The following WRN variants were observed in gnomAD, a reference collection of about 807,000 sequenced individuals.
The protein encoded by WRN is bifunctional 3'-5' exonuclease/ATP-dependent helicase WRN.
WRN carries 149 observed loss-of-function variants against 180.7 expected under a neutral mutation model. The observed-to-expected ratio is 0.82, with a 90% CI of 0.72 to 0.94. The LOEUF is 0.94. WRN is among the 40% of genes least tolerant of loss of function. WRN has a pLI of 0.00. For missense variants in WRN, 1,661 were observed against 1,700.1 expected (o/e 0.98, Z 0.40); for synonymous variants, 548 against 568.9 (o/e 0.96, Z 0.52).
chr8:31,139,042 T>C (rs1177216531), intron 24 of WRN, among the ~76,000 whole-genome samples: 1 of 152,240 alleles, frequency 6.6e-6, no homozygotes, highest in African/African-American at 2.4e-5. Flanking sequence ...TGGGGAAGAT[T>C]CTCAAATATT....
intron 3 of WRN, among the ~76,000 whole-genome samples, chr8:31,061,897 G>A (rs562963809): frequency 6.6e-5 from 10 of 152,200 alleles, no homozygotes; most frequent in East Asian, 5.8e-4. Context: ...GCTTGTCTTC[G>A]TATTCTGCAA....
chr8:31,117,651 T>TG (rs1801572719), intron 20 of WRN, among the ~76,000 whole-genome samples: 1 of 152,090 alleles, frequency 6.6e-6, no homozygotes, highest in Non-Finnish European at 1.5e-5. Context: ...CTTCAGCTCT[T>TG]GCATTTTCTG....
intron 32 of WRN, 123 bp downstream of exon 32, chr8:31,154,878 G>A: frequency 8.1e-7 from 1 of 1,239,498 alleles, no homozygotes; most frequent in Non-Finnish European, 1.1e-6. Flanking sequence ...ATAAATCTCA[G>A]TTTATCTTTA....
rs376345065 is a variant in WRN, at chr8:31,087,887, G to C, written c.1543G>C (p.Glu515Gln). Residue 515 changes from glutamate (E) to glutamine (Q), a missense_variant, in exon 12 of 35, where the codon GAA becomes CAA. Physicochemically the swap from Glu to Gln is conservative, Grantham distance 29 (BLOSUM62 2). This residue lies in a region of WRN where 1,141 missense variants were observed against 1,149.4 expected (regional missense o/e 0.99). Transcript: ENST00000298139. ...AGAAGAAGAAGAAGATGATGAAAAT[G>C]AAGCTAATGAAGGGGAAGAAGATGA... The part of the protein sequence containing the change: ...TKEEEEDDEN[E>Q]ANEGEEDDDK... The C allele has an allele frequency of 3.1e-6, 5 of 1,613,484 alleles. No homozygotes were observed. Among genetic ancestry groups the C allele is most frequent in the Non-Finnish European group, 4.2e-6 (5 of 1,179,768 alleles).
intron 1 of WRN, among the ~76,000 whole-genome samples, chr8:31,039,189 T>C (rs1811556610): frequency 6.6e-6 from 1 of 152,210 alleles, no homozygotes; most frequent in South Asian, 2.1e-4. Flanking sequence ...TAAGTCTTTC[T>C]ATGCATAAAC....
chr8:31,097,713 A>G (rs1003410793), intron 17 of WRN, among the ~76,000 whole-genome samples: 1 of 152,062 alleles, frequency 6.6e-6, no homozygotes, highest in Non-Finnish European at 1.5e-5. Context: ...TGGGAGATGA[A>G]GGCTGCGGTG....
chr8:31,115,162 C>T (rs1002090779), intron 19 of WRN, among the ~76,000 whole-genome samples: 50 of 152,268 alleles, frequency 3.3e-4, no homozygotes, highest in African/African-American at 1.2e-3. Context: ...TCCCAAAGTG[C>T]TGGGATTACA....
intron 23 of WRN, among the ~76,000 whole-genome samples, chr8:31,128,791 G>A (rs909635876): frequency 2.6e-5 from 4 of 152,040 alleles, no homozygotes; most frequent in African/African-American, 4.8e-5. Context: ...CCCAGGAGGC[G>A]GAGCTTGCAG....
intron 1 of WRN, among the ~76,000 whole-genome samples, chr8:31,040,761 C>T (rs1341005671): frequency 7.2e-5 from 11 of 152,002 alleles, no homozygotes; most frequent in Non-Finnish European, 1.5e-5. Flanking sequence ...ATAGATGACT[C>T]GTTTGAGTAG....
Position 31,067,015 on chromosome 8 carries a change from C to G in WRN, c.505-18C>G. 1 of 1,613,192 alleles carries G rather than the reference C, an allele frequency of 6.2e-7. No individual in the cohort carries two copies. The highest frequency in any genetic ancestry group is 8.5e-7 in the Non-Finnish European group (1 of 1,179,712). On this transcript the variant is annotated intron_variant, in intron 5 of 34. Coordinates refer to ENST00000298139, the MANE Select transcript of WRN (RefSeq NM_000553.6). Reference sequence around the variant, plus strand: ...AACAGGAACTGATTTTACTGTGTTGCTTTTTCATCATTTCTAGCTGAAATG... The same window carrying G: ...AACAGGAACTGATTTTACTGTGTTGGTTTTTCATCATTTCTAGCTGAAATG...
chr8:31,102,954 A>C (rs1448016898), intron 18 of WRN, among the ~76,000 whole-genome samples: 1 of 152,166 alleles, frequency 6.6e-6, no homozygotes, highest in Non-Finnish European at 1.5e-5. Context: ...GCTGTACAAA[A>C]ATTTTTTCTT....
In WRN at chr8:31,080,938, AC is replaced by A. The variant is rs777323239; in HGVS notation, c.912del (p.Asn304LysfsTer6). On this transcript the variant is annotated frameshift_variant, in exon 9 of 35. Coordinates refer to ENST00000298139, the MANE Select transcript of WRN (RefSeq NM_000553.6). LOFTEE classifies it high-confidence loss of function. Reference sequence around the variant, plus strand: ...AGGAGGATGATAATTGGGTCTACTAACATTGAGACTGAACTGAGGCCCAGCA... The same window carrying A: ...AGGAGGATGATAATTGGGTCTACTAAATTGAGACTGAACTGAGGCCCAGCA... ...SLRRMIIGST[N>X]IETELRPSNN... 1.2e-6 allele frequency: 2 copies of A among 1,613,702 alleles called. No homozygotes were observed. The highest frequency in any genetic ancestry group is 1.7e-6 in the Non-Finnish European group (2 of 1,179,838).
At chr8:31,134,922 T>A (rs949231111) in intron 24 of WRN, among the ~76,000 whole-genome samples, 4 of 152,164 alleles carry the variant, frequency 2.6e-5, no homozygotes, top group African/African-American at 7.2e-5. Flanking sequence ...CACATAGAAT[T>A]ATAGTTCACA....
intron 16 of WRN, among the ~76,000 whole-genome samples, chr8:31,096,006 G>A (rs1257976965): frequency 6.6e-6 from 1 of 152,156 alleles, no homozygotes; most frequent in African/African-American, 2.4e-5. Flanking sequence ...GAAGAAACTA[G>A]GCATACTAAA....
At chr8:31,103,799 A>G (rs1294501088) in intron 18 of WRN, among the ~76,000 whole-genome samples, 2 of 151,880 alleles carry the variant, frequency 1.3e-5, no homozygotes, top group Non-Finnish European at 2.9e-5. Context: ...CAGTGGCGCG[A>G]TCTCGGCTCG....
chr8:31,142,714 GA>G lies in WRN; in HGVS notation c.3309+16del, dbSNP rs2130422462. The G allele has an allele frequency of 3.2e-6, 5 of 1,582,832 alleles. No homozygotes were observed. The highest frequency in any genetic ancestry group is 4.3e-6 in the Non-Finnish European group (5 of 1,157,682). On this transcript the variant is annotated intron_variant, in intron 27 of 34. Transcript: ENST00000298139. ...TACAGAGAAGAAGGTTTGTTTTAAAGAAATTGTTCTGATTTATTTCATTCTT... is the reference window on the plus strand; with the variant it reads ...TACAGAGAAGAAGGTTTGTTTTAAAGAATTGTTCTGATTTATTTCATTCTT...
chr8:31,141,853 A>AG, intron 26 of WRN, 78 bp downstream of exon 26: 1 of 1,362,128 alleles, frequency 7.3e-7, no homozygotes, highest in African/African-American at 1.4e-5. Flanking sequence ...ACCAGTTTAT[A>AG]GGCCTCTCAC....
intron 13 of WRN, 76 bp downstream of exon 13, chr8:31,089,041 C>T: frequency 7.7e-7 from 1 of 1,302,470 alleles, no homozygotes; most frequent in Non-Finnish European, 1.1e-6. Context: ...AATAACCTGT[C>T]TGCTTAACAG....
chr8:31,173,958 C>T lies in WRN; in HGVS notation c.*856C>T, dbSNP rs1426066225. The stretch of plus-strand genomic sequence containing the variant: ...CATCCATTTCAAAGCCTTTGATTGG[C>T]TTTTTTGTAAATAAAAATAACTTGT... On this transcript the variant is annotated 3_prime_UTR_variant, in exon 35 of 35. Coordinates refer to ENST00000298139, the MANE Select transcript of WRN (RefSeq NM_000553.6). Among the ~76,000 whole-genome samples, 1 of 151,972 alleles carries T rather than the reference C, an allele frequency of 6.6e-6. No individual in the cohort carries two copies. Among genetic ancestry groups the T allele is most frequent in the Admixed American group, 6.6e-5 (1 of 15,250 alleles).
Sources: gnomAD v4.1 joint callset for allele counts (sites outside exome capture counted in the v4.1 genomes callset) on GRCh38, gnomAD v4.1.1 for gene constraint, gnomAD v4.1.1 regional missense constraint, MANE v1.5 for transcripts, NCBI Gene and HGNC (gene_info 2026-07-23, HGNC 2026-07-21) for gene names.